The following FBXL13 variants were observed in gnomAD, a reference collection of about 807,000 sequenced individuals.
FBXL13 encodes the protein F-box and leucine-rich repeat protein 13.
A neutral mutation model predicts 83.6 loss-of-function variants in FBXL13; 67 were observed. The ratio of observed to expected loss-of-function variants is 0.80; its 90% CI spans 0.66 to 0.98. The LOEUF is 0.98. Ranked by LOEUF, FBXL13 falls within the 50% of genes least tolerant of loss-of-function variation. FBXL13 has a pLI of 0.00. For synonymous variants in FBXL13, 272 were observed against 299.5 expected, an observed-to-expected ratio of 0.91 and a Z score of 0.95; for missense variants, 822 against 866.5, an observed-to-expected ratio of 0.95 and a Z score of 0.64.
At chr7:102,895,829 T>A (rs1236096379) in intron 11 of FBXL13, among the ~76,000 whole-genome samples, 1 of 152,232 alleles carries the variant, frequency 6.6e-6, no homozygotes, top group Non-Finnish European at 1.5e-5. Flanking sequence ...CTACTCATAT[T>A]TTCCATTCTG....
At chr7:102,895,004 C>G (rs1476582479) in intron 11 of FBXL13, among the ~76,000 whole-genome samples, 1 of 152,074 alleles carries the variant, frequency 6.6e-6, no homozygotes, top group Non-Finnish European at 1.5e-5. Context: ...CTACTATGAG[C>G]CAGGTATTGT....
intron 11 of FBXL13, among the ~76,000 whole-genome samples, chr7:102,887,744 C>G (rs1477430202): frequency 6.6e-6 from 1 of 152,194 alleles, no homozygotes; most frequent in Non-Finnish European, 1.5e-5. Context: ...TTTATCACAT[C>G]TCAAAAATAA....
At chr7:102,944,393 T>C in intron 8 of FBXL13, 1 of 1,614,064 alleles carries the variant, frequency 6.2e-7, no homozygotes, top group South Asian at 1.1e-5. Flanking sequence ...CACTACAATG[T>C]CCATTTTAAT....
intron 18 of FBXL13, among the ~76,000 whole-genome samples, chr7:102,830,199 A>G (rs1800409914): frequency 6.6e-6 from 1 of 152,192 alleles, no homozygotes; most frequent in African/African-American, 2.4e-5. Flanking sequence ...ATAACAAAAA[A>G]CAAAAAACCA....
chr7:102,951,674 G>A (rs1211474576), intron 8 of FBXL13, among the ~76,000 whole-genome samples: 1 of 151,570 alleles, frequency 6.6e-6, no homozygotes, highest in East Asian at 1.9e-4. Context: ...TTAGCCAGGT[G>A]TGGCCACCTG....
chr7:103,034,794 C>T (rs935435287), intron 2 of FBXL13, among the ~76,000 whole-genome samples: 1 of 152,224 alleles, frequency 6.6e-6, no homozygotes, highest in African/African-American at 2.4e-5. Flanking sequence ...GTACAGCACA[C>T]AGAGTACAAG....
At chr7:102,825,511 A>C (rs73714523) in intron 18 of FBXL13, among the ~76,000 whole-genome samples, 2,476 of 152,272 alleles carry the variant, frequency 0.016, 60 homozygotes, top group African/African-American at 0.057. Context: ...AATATTACTA[A>C]ATTTTGTTCT....
At chr7:103,027,419 T>C (rs1203267183) in intron 5 of FBXL13, 30 bp downstream of exon 6, 4 of 1,476,158 alleles carry the variant, frequency 2.7e-6, no homozygotes, top group Admixed American at 3.5e-5. Context: ...AACATTCGGA[T>C]TCTTAAAAAA....
At chr7:102,978,451 A>G (rs1827788866) in intron 6 of FBXL13, 1 of 153,450 alleles carries the variant, frequency 6.5e-6, no homozygotes, top group Non-Finnish European at 1.5e-5. Flanking sequence ...GCAGGAAGAG[A>G]GCCGGCCAGA....
At chr7:102,984,636 T>G (rs1371391016) in intron 6 of FBXL13, among the ~76,000 whole-genome samples, 5 of 152,226 alleles carry the variant, frequency 3.3e-5, no homozygotes, top group Non-Finnish European at 7.3e-5. Flanking sequence ...ATTTTTTTAA[T>G]GCCGTACTTT....
chr7:102,819,974 T>C (rs1291521695), intron 19 of FBXL13, among the ~76,000 whole-genome samples: 1 of 152,120 alleles, frequency 6.6e-6, no homozygotes, highest in East Asian at 1.9e-4. Context: ...AATAAAAAAA[T>C]TTGAGGCCAG....
chr7:103,062,316 G>A (rs1224022099), intron 1 of FBXL13, among the ~76,000 whole-genome samples: 1 of 152,124 alleles, frequency 6.6e-6, no homozygotes, highest in Non-Finnish European at 1.5e-5. Flanking sequence ...AGAAAATTGA[G>A]GGAGAAACTA....
intron 17 of FBXL13, among the ~76,000 whole-genome samples, chr7:102,848,553 C>G (rs1804564527): frequency 2.8e-4 from 1 of 3,512 alleles, no homozygotes; most frequent in Non-Finnish European, 4.2e-4. Flanking sequence ...GAGACTCCGT[C>G]TCAAAAAAAA....
chr7:103,070,879 C>T (rs773824031), intron 1 of FBXL13, among the ~76,000 whole-genome samples: 1 of 152,162 alleles, frequency 6.6e-6, no homozygotes, highest in African/African-American at 2.4e-5. Context: ...ACTCAAATAC[C>T]TCCCACTGGG....
chr7:102,990,107 TATC>T (rs1265500668), intron 6 of FBXL13, among the ~76,000 whole-genome samples: 1 of 152,192 alleles, frequency 6.6e-6, no homozygotes. Context: ...GAAATGTCCT[TATC>T]ATGATTCCAA....
Position 102,884,206 on chromosome 7 carries a change from C to T in FBXL13, c.1107+8G>A. On this transcript the variant is annotated splice_region_variant and intron_variant, in intron 12 of 19. Transcript: ENST00000313221. ...ACAGAAAAGTAAAGGTACTTCCCAACTACCTACTTTTACACAGTTGTCCGT... is the reference window on the plus strand; with the variant it reads ...ACAGAAAAGTAAAGGTACTTCCCAATTACCTACTTTTACACAGTTGTCCGT... The T allele has an allele frequency of 6.3e-7, 1 of 1,594,534 alleles. No homozygotes were observed. The highest frequency in any genetic ancestry group is 8.6e-7 in the Non-Finnish European group (1 of 1,162,422).
exon 1 of FBXL13, chr7:103,074,564 A>C (rs1165750365): frequency 8.2e-7 from 1 of 1,225,466 alleles, no homozygotes; most frequent in Non-Finnish European, 1.1e-6. Context: ...ACTTTCTCGC[A>C]TTCTGCCCCG....
intron 18 of FBXL13, among the ~76,000 whole-genome samples, chr7:102,825,502 A>C (rs1466666863): frequency 6.6e-6 from 1 of 152,186 alleles, no homozygotes; most frequent in Non-Finnish European, 1.5e-5. Context: ...CAGAAATGTA[A>C]TATTACTAAA....
At chr7:102,932,046 G>T in intron 8 of FBXL13, 113 bp from the exon 10 acceptor site, 2 of 966,220 alleles carry the variant, frequency 2.1e-6, no homozygotes, top group Non-Finnish European at 3.0e-6. Context: ...AAAAACCTTG[G>T]CAAGTAACAT....
Sources: gnomAD v4.1 joint callset for allele counts (sites outside exome capture counted in the v4.1 genomes callset) on GRCh38, gnomAD v4.1.1 for gene constraint, MANE v1.5 for transcripts, NCBI Gene and HGNC (gene_info 2026-07-23, HGNC 2026-07-21) for gene names.